The following INSYN2B variants were observed in gnomAD, a reference collection of about 807,000 sequenced individuals.
INSYN2B encodes the protein inhibitory synaptic factor family member 2B.
INSYN2B carries 16 observed loss-of-function variants against 41.2 expected under a neutral mutation model. The ratio of observed to expected loss-of-function variants is 0.39; its 90% CI spans 0.26 to 0.59. The LOEUF (loss-of-function observed/expected upper bound fraction) is 0.59. Among genes scored for constraint, INSYN2B ranks in the 20% least tolerant of loss-of-function variants. The pLI, the probability that INSYN2B is intolerant of heterozygous loss-of-function variation, is 0.57. For synonymous variants in INSYN2B, 245 were observed against 244.4 expected, an observed-to-expected ratio of 1.00 and a Z score of -0.02; for missense variants, 608 against 646.4, an observed-to-expected ratio of 0.94 and a Z score of 0.64.
At chr5:169,910,494 C>T (rs956384806) in intron 1 of INSYN2B, among the ~76,000 whole-genome samples, 9 of 152,142 alleles carry the variant, frequency 5.9e-5, no homozygotes, top group Non-Finnish European at 1.2e-4. Flanking sequence ...GGCGTGCTTA[C>T]CTTTTCTCAG....
chr5:169,978,841 C>T (rs1000783844), intron 1 of INSYN2B, among the ~76,000 whole-genome samples: 11 of 152,310 alleles, frequency 7.2e-5, no homozygotes, highest in South Asian at 2.1e-4. Flanking sequence ...TATTTTTACA[C>T]GTTTGACCTA....
intron 1 of INSYN2B, among the ~76,000 whole-genome samples, chr5:169,897,623 G>C (rs1417203693): frequency 3.3e-5 from 5 of 152,214 alleles, no homozygotes; most frequent in Non-Finnish European, 7.3e-5. Context: ...CAGCCCCATG[G>C]TTGAGAGCCT....
chr5:169,971,844 T>C (rs1056690478), intron 1 of INSYN2B, among the ~76,000 whole-genome samples: 1 of 152,228 alleles, frequency 6.6e-6, no homozygotes, highest in South Asian at 2.1e-4. Context: ...CTCTCGTAGT[T>C]ACCCATGAAC....
Position 169,926,781 on chromosome 5 carries a change from G to GTTAC in INSYN2B, c.-918-41969_-918-41966dup, listed in dbSNP as rs1375376207. Among the ~76,000 whole-genome samples the GTTAC allele has an allele frequency of 2.6e-5, 4 of 152,178 alleles. No homozygotes were observed. In the East Asian group the frequency reaches 7.7e-4, roughly 29 times the overall value. On this transcript the variant is annotated intron_variant, in intron 1 of 3. Transcript: ENST00000377365. ...GCTGGATGCATTCATTTAGCAACTA[G>GTTAC]TTACTTATTGAGCTTTTACTGCATC...
At chr5:169,943,117 A>G (rs947877350) in intron 1 of INSYN2B, among the ~76,000 whole-genome samples, 15 of 152,316 alleles carry the variant, frequency 9.8e-5, no homozygotes, top group Admixed American at 7.2e-4. Flanking sequence ...TGGAAATATC[A>G]TTGAGTTTTC....
chr5:169,919,794 A>G (rs1775073340), intron 1 of INSYN2B, among the ~76,000 whole-genome samples: 1 of 152,152 alleles, frequency 6.6e-6, no homozygotes, highest in Non-Finnish European at 1.5e-5. Context: ...TCTTCCCTGG[A>G]GTATTTGCAT....
rs1432203532 is a variant in INSYN2B at position 169,881,455 on chromosome 5, G to A, written c.1347-13C>T. On this transcript the variant is annotated splice_polypyrimidine_tract_variant and intron_variant, in intron 2 of 3. Transcript: ENST00000377365. ...ATAAAAGTTGCGCCTGCAAGACAGA[G>A]CATTTGCTGGATAAATCTATGGGCA... 7 of 1,550,384 alleles carry A rather than the reference G, an allele frequency of 4.5e-6. No individual in the cohort carries two copies. In the East Asian group the frequency reaches 7.3e-5, roughly 16 times the overall value.
chr5:169,878,325 T>G (rs1237436942), intron 3 of INSYN2B, among the ~76,000 whole-genome samples: 1 of 152,218 alleles, frequency 6.6e-6, no homozygotes, highest in Non-Finnish European at 1.5e-5. Flanking sequence ...TTCACTTCAC[T>G]TTTTTTCTCT....
chr5:169,972,578 TAGATAGATGATA>T (rs780652472), intron 1 of INSYN2B, among the ~76,000 whole-genome samples: 373 of 61,104 alleles, frequency 6.1e-3, no homozygotes, highest in African/African-American at 0.019. Context: ...GATAGATAGA[TAGATAGATGATA>T]GATAGATAGA....
intron 1 of INSYN2B, among the ~76,000 whole-genome samples, chr5:169,968,849 G>C (rs771225224): frequency 6.6e-6 from 1 of 152,238 alleles, no homozygotes; most frequent in East Asian, 1.9e-4. Flanking sequence ...AATAGAGAAG[G>C]CTTCCCGGGA....
chr5:169,898,253 G>C (rs1460465952), intron 1 of INSYN2B, among the ~76,000 whole-genome samples: 1 of 152,160 alleles, frequency 6.6e-6, no homozygotes, highest in Non-Finnish European at 1.5e-5. Context: ...TGGCTGCCAT[G>C]GTCTCCTTTC....
At chr5:169,864,949 G>A (rs1349916903) in intron 3 of INSYN2B, among the ~76,000 whole-genome samples, 1 of 152,204 alleles carries the variant, frequency 6.6e-6, no homozygotes, top group African/African-American at 2.4e-5. Context: ...GAAATGCTCA[G>A]AGTAGTGCCT....
At chr5:169,907,601 T>C (rs1375425548) in intron 1 of INSYN2B, among the ~76,000 whole-genome samples, 2 of 152,250 alleles carry the variant, frequency 1.3e-5, no homozygotes, top group African/African-American at 2.4e-5. Context: ...CAACCCAGTA[T>C]GTTGGAAAGT....
At chr5:169,910,442 TA>T (rs1470378836) in intron 1 of INSYN2B, among the ~76,000 whole-genome samples, 1 of 152,164 alleles carries the variant, frequency 6.6e-6, no homozygotes, top group African/African-American at 2.4e-5. Context: ...CTTAACTTTT[TA>T]AAAAAAGATC....
intron 1 of INSYN2B, among the ~76,000 whole-genome samples, chr5:169,950,443 G>A (rs1231678710): frequency 6.6e-6 from 1 of 152,164 alleles, no homozygotes; most frequent in African/African-American, 2.4e-5. Flanking sequence ...GCTTTCTCAA[G>A]ACAAACCTAG....
rs112448050 is a variant in INSYN2B, at chr5:169,978,394, G to C, written c.-919+1883C>G. Among the ~76,000 whole-genome samples the C allele has an allele frequency of 4.0e-5, 4 of 99,350 alleles. 1 individual carries two copies. Among genetic ancestry groups the C allele is most frequent in the Non-Finnish European group, 5.4e-5 (3 of 55,774 alleles). 65.2% of individuals were successfully genotyped at this position (99,350 alleles called of 152,430 possible). A position where few individuals can be genotyped will look rare whatever the true frequency, so the allele number is the denominator to read the frequency against. On this transcript the variant is annotated intron_variant, in intron 1 of 3. Transcript: ENST00000377365. ...CTGTGTATGTGTGTGTGTGTGTGTG[G>C]GGGGGGGGGGGTGTAGGTGTGTTTG...
chr5:169,973,348 C>G (rs1455718745), intron 1 of INSYN2B, among the ~76,000 whole-genome samples: 2 of 152,186 alleles, frequency 1.3e-5, no homozygotes, highest in Non-Finnish European at 2.9e-5. Context: ...ACATCTCCGG[C>G]TGATCACAGA....
At chr5:169,957,839 C>T (rs1359772700) in intron 1 of INSYN2B, among the ~76,000 whole-genome samples, 1 of 152,166 alleles carries the variant, frequency 6.6e-6, no homozygotes, top group Non-Finnish European at 1.5e-5. Flanking sequence ...TCCCCTGCTC[C>T]CCACCTGCAT....
In INSYN2B at chr5:169,943,715, G is replaced by A. The variant is rs62386595; in HGVS notation, c.-919+36562C>T. 6.3e-3 allele frequency among the ~76,000 whole-genome samples: 961 copies of A among 152,226 alleles called. 5 individuals carry two copies. Among genetic ancestry groups the A allele is most frequent in the Admixed American group, 9.6e-3 (146 of 15,286 alleles). Reference sequence around the variant, plus strand: ...GGATCAGTGGAATCAGCATCACCTGGGAGCTTGTTAGAAATGCACATTCTC... The same window carrying A: ...GGATCAGTGGAATCAGCATCACCTGAGAGCTTGTTAGAAATGCACATTCTC... On this transcript the variant is annotated intron_variant, in intron 1 of 3. Transcript: ENST00000377365.
Sources: allele counts gnomAD v4.1 joint callset (sites outside exome capture counted in the v4.1 genomes callset), GRCh38; gene constraint gnomAD v4.1.1; transcripts MANE v1.5; gene names NCBI Gene and HGNC (gene_info 2026-07-23, HGNC 2026-07-21).